PTPRD: variants seen among roughly 807,000 people sequenced by gnomAD.
PTPRD encodes the protein protein tyrosine phosphatase receptor type D.
PTPRD carries 34 observed loss-of-function variants against 214.5 expected under a neutral mutation model. That is an observed-to-expected ratio of 0.16 (90% CI 0.12 to 0.21). PTPRD has a LOEUF of 0.21. Among genes scored for constraint, PTPRD ranks in the 10% least tolerant of loss-of-function variants. PTPRD has a pLI of 1.00. For synonymous variants in PTPRD, 1,128 were observed against 845.7 expected (o/e 1.33, Z -5.79); for missense variants, 2,545 against 2,398.7 (o/e 1.06, Z -1.27).
At chr9:8,326,189 G>A (rs1437220848) in intron 44 of PTPRD, among the ~76,000 whole-genome samples, 1 of 152,064 alleles carries the variant, frequency 6.6e-6, no homozygotes, top group Non-Finnish European at 1.5e-5. Context: ...CCATTCTGTA[G>A]GATAGTGGCT....
intron 9 of PTPRD, among the ~76,000 whole-genome samples, chr9:9,364,421 A>AAGCAC (rs2057267877): frequency 6.6e-6 from 1 of 151,444 alleles, no homozygotes; most frequent in Non-Finnish European, 1.5e-5. Context: ...AAGGGAATGT[A>AAGCAC]TTTTGAGACA....
rs922847603 is a variant in PTPRD at position 8,491,658 on chromosome 9, T to TAAAA, written c.2467+1200_2467+1203dup. Among the ~76,000 whole-genome samples the TAAAA allele has an allele frequency of 4.7e-3, 533 of 113,506 alleles. 4 individuals carry two copies. The highest frequency in any genetic ancestry group is 0.016 in the African/African-American group (499 of 30,466). The allele number at this position is 113,506 out of a possible 152,430, so 74.5% of individuals were successfully genotyped here. ...TAAATTAGCTTGATACAATGGTATT[T>TAAAA]AAAAAAAAAAAAAAAAAAAAGCCCA... On this transcript the variant is annotated intron_variant, in intron 27 of 45. Transcript: ENST00000381196.
At chr9:8,779,459 G>C (rs2095609894) in intron 11 of PTPRD, among the ~76,000 whole-genome samples, 1 of 152,006 alleles carries the variant, frequency 6.6e-6, no homozygotes, top group Non-Finnish European at 1.5e-5. Context: ...GTCGTCCCGG[G>C]GTTGGGTTTC....
rs201363197 is a variant in PTPRD, at chr9:9,425,467, T to TTATA, written c.-236-27989_-236-27986dup. On this transcript the variant is annotated intron_variant, in intron 8 of 45. Transcript: ENST00000381196. The stretch of plus-strand genomic sequence containing the variant: ...ATAATTTATAATATAAAATATATAA[T>TTATA]TATATATATATGTTTGGTGCAAAAG... Among the ~76,000 whole-genome samples the TTATA allele has an allele frequency of 5.6e-4, 82 of 146,594 alleles. 1 individual carries two copies. The highest frequency in any genetic ancestry group is 1.9e-3 in the African/African-American group (76 of 40,436).
chr9:9,447,409 A>G (rs1262092888), intron 8 of PTPRD, among the ~76,000 whole-genome samples: 2 of 150,100 alleles, frequency 1.3e-5, no homozygotes, highest in Non-Finnish European at 3.0e-5. Context: ...AAACTAACAC[A>G]GTAAAAGAAA....
chr9:8,929,441 G>C (rs1371981641), intron 11 of PTPRD, among the ~76,000 whole-genome samples: 2 of 151,996 alleles, frequency 1.3e-5, no homozygotes, highest in African/African-American at 4.8e-5. Context: ...CATCTATGGA[G>C]ATAATCATGT....
At chr9:8,433,897 C>T (rs1336892595) in intron 35 of PTPRD, among the ~76,000 whole-genome samples, 1 of 152,148 alleles carries the variant, frequency 6.6e-6, no homozygotes, top group Non-Finnish European at 1.5e-5. Flanking sequence ...CACATTCACT[C>T]ACTACTCTCA....
chr9:9,539,977 A>G (rs1464114025), intron 8 of PTPRD, among the ~76,000 whole-genome samples: 3 of 151,850 alleles, frequency 2.0e-5, no homozygotes, highest in African/African-American at 7.2e-5. Context: ...CGGATATTTG[A>G]ATAATTTTAT....
chr9:9,255,036 A>G (rs2131786537), intron 9 of PTPRD, among the ~76,000 whole-genome samples: 1 of 152,200 alleles, frequency 6.6e-6, no homozygotes, highest in Non-Finnish European at 1.5e-5. Context: ...GTGGCTACAT[A>G]AAGAACAAAA....
chr9:9,123,908 T>C (rs1592010737), intron 10 of PTPRD, among the ~76,000 whole-genome samples: 2 of 151,008 alleles, frequency 1.3e-5, no homozygotes, highest in Middle Eastern at 3.5e-3. Context: ...ATCAGATGAA[T>C]AGGAGACAAA....
intron 2 of PTPRD, among the ~76,000 whole-genome samples, chr9:10,354,874 T>C (rs958043937): frequency 2.0e-5 from 3 of 152,170 alleles, no homozygotes; most frequent in Admixed American, 6.5e-5. Flanking sequence ...GTACATATCA[T>C]AATTTTGCAT....
intron 5 of PTPRD, among the ~76,000 whole-genome samples, chr9:9,869,024 A>G (rs146710878): frequency 7.2e-4 from 109 of 152,352 alleles, no homozygotes; most frequent in African/African-American, 2.5e-3. Context: ...GCATAATTTG[A>G]GAATATGGTA....
intron 3 of PTPRD, among the ~76,000 whole-genome samples, chr9:10,273,714 C>T (rs1410087355): frequency 6.6e-6 from 1 of 152,084 alleles, no homozygotes; most frequent in Non-Finnish European, 1.5e-5. Flanking sequence ...CAGAAAAATA[C>T]TTCTGATTTC....
chr9:10,017,932 A>T (rs1406410840), intron 4 of PTPRD, among the ~76,000 whole-genome samples: 3 of 152,194 alleles, frequency 2.0e-5, no homozygotes, highest in Non-Finnish European at 4.4e-5. Context: ...ATGAAGTCCC[A>T]GAACAGCAGG....
At chr9:9,962,849 T>C (rs568000190) in intron 4 of PTPRD, among the ~76,000 whole-genome samples, 2 of 152,114 alleles carry the variant, frequency 1.3e-5, no homozygotes, top group Admixed American at 1.3e-4. Context: ...GAAAATATAG[T>C]AGCACAATTT....
At chr9:10,577,925 T>C (rs1591344939) in intron 2 of PTPRD, among the ~76,000 whole-genome samples, 1 of 151,870 alleles carries the variant, frequency 6.6e-6, no homozygotes, top group Non-Finnish European at 1.5e-5. Flanking sequence ...CTTTTTTTTT[T>C]TTTTTTGAGA....
chr9:8,431,111 G>T (rs1166354321), intron 35 of PTPRD, among the ~76,000 whole-genome samples: 1 of 152,122 alleles, frequency 6.6e-6, no homozygotes, highest in Non-Finnish European at 1.5e-5. Flanking sequence ...TGTATGAGTG[G>T]ACTGTTAGCA....
At chr9:8,992,407 G>A (rs1269322388) in intron 11 of PTPRD, among the ~76,000 whole-genome samples, 3 of 152,134 alleles carry the variant, frequency 2.0e-5, no homozygotes, top group African/African-American at 7.2e-5. Flanking sequence ...GGCAAGGAAT[G>A]GGGGTTAGCT....
intron 2 of PTPRD, among the ~76,000 whole-genome samples, chr9:10,427,128 C>A (rs2098629330): frequency 6.6e-6 from 1 of 150,660 alleles, no homozygotes; most frequent in Non-Finnish European, 1.5e-5. Flanking sequence ...AATGTAGATT[C>A]AGTAGATAAA....
Sources: allele counts gnomAD v4.1 joint callset (sites outside exome capture counted in the v4.1 genomes callset), GRCh38; gene constraint gnomAD v4.1.1; transcripts MANE v1.5; gene names NCBI Gene and HGNC (gene_info 2026-07-23, HGNC 2026-07-21).